Variants in TMEM132D observed in about 807,000 individuals in gnomAD.
TMEM132D encodes the protein transmembrane protein 132D, also known as mature OL transmembrane protein.
A neutral mutation model predicts 62.3 loss-of-function variants in TMEM132D; 21 were observed. The observed-to-expected ratio is 0.34, with a 90% CI of 0.24 to 0.49. The LOEUF (loss-of-function observed/expected upper bound fraction) is 0.49, where lower values mean the gene tolerates loss of function less well. Ranked by LOEUF, TMEM132D falls within the 20% of genes least tolerant of loss-of-function variation. The probability of loss-of-function intolerance (pLI) is 0.99; values close to 1 mark genes in which losing one functional copy is unlikely to be tolerated. For missense variants in TMEM132D, 1,346 were observed against 1,402.8 expected, an observed-to-expected ratio of 0.96 and a Z score of 0.65; for synonymous variants, 621 against 575.6, an observed-to-expected ratio of 1.08 and a Z score of -1.13.
chr12:129,095,040 G>A (rs1207411285), intron 5 of TMEM132D, among the ~76,000 whole-genome samples: 1 of 149,408 alleles, frequency 6.7e-6, no homozygotes, highest in African/African-American at 2.5e-5. Flanking sequence ...CGTGGGGTCG[G>A]GGGAGGGGGG....
At chr12:129,513,310 G>A (rs372775657) in intron 3 of TMEM132D, among the ~76,000 whole-genome samples, 5 of 152,224 alleles carry the variant, frequency 3.3e-5, no homozygotes, top group African/African-American at 1.2e-4. Context: ...TTTTGAGGGT[G>A]AGAGCTTACT....
chr12:129,746,307 C>T (rs1025834947), intron 1 of TMEM132D, among the ~76,000 whole-genome samples: 2 of 152,076 alleles, frequency 1.3e-5, no homozygotes, highest in African/African-American at 4.8e-5. Context: ...GGATGTTAAA[C>T]TAAAGAGTGA....
chr12:129,299,645 T>TTTA (rs68083891), intron 4 of TMEM132D, among the ~76,000 whole-genome samples: 1 of 151,280 alleles, frequency 6.6e-6, no homozygotes, highest in Admixed American at 6.6e-5. Flanking sequence ...TTTTTTTTTT[T>TTTA]AGCTCTTGGA....
intron 1 of TMEM132D, among the ~76,000 whole-genome samples, chr12:129,716,387 A>G (rs923990243): frequency 2.6e-5 from 4 of 152,208 alleles, no homozygotes; most frequent in Non-Finnish European, 4.4e-5. Context: ...TTCAGAAGTC[A>G]AGAGAACACG....
chr12:129,500,236 C>T (rs920089855), intron 3 of TMEM132D, among the ~76,000 whole-genome samples: 2 of 149,274 alleles, frequency 1.3e-5, no homozygotes, highest in African/African-American at 2.5e-5. Context: ...AGGCAATTCA[C>T]CTGACCTCAT....
In TMEM132D at chr12:129,105,648, C is replaced by CA. The variant is rs547651558; in HGVS notation, c.1444-20947dup. On this transcript the variant is annotated intron_variant, in intron 5 of 8. Coordinates refer to ENST00000422113, the MANE Select transcript of TMEM132D (RefSeq NM_133448.3). ...CCTCAAAGGAAGACATTTATGCAGC[C>CA]AAAAAACACATGAAAAAATTCTCAC... is the stretch of plus-strand genomic sequence containing the variant. 9.3e-5 allele frequency among the ~76,000 whole-genome samples: 14 copies of CA among 150,684 alleles called. No individual in the cohort carries two copies. In the South Asian group the frequency reaches 2.9e-3, roughly 32 times the overall value.
intron 3 of TMEM132D, among the ~76,000 whole-genome samples, chr12:129,435,232 G>T (rs544289129): frequency 5.3e-5 from 8 of 152,116 alleles, no homozygotes; most frequent in Admixed American, 2.0e-4. Flanking sequence ...TGGACACTTA[G>T]GTGGTTTCCA....
intron 4 of TMEM132D, among the ~76,000 whole-genome samples, chr12:129,326,310 C>T (rs919552459): frequency 1.3e-5 from 2 of 152,210 alleles, no homozygotes; most frequent in East Asian, 3.9e-4. Context: ...GGATTTTCAA[C>T]CCCCAGAATG....
intron 5 of TMEM132D, among the ~76,000 whole-genome samples, chr12:129,141,140 A>G (rs557353062): frequency 6.6e-6 from 1 of 152,374 alleles, no homozygotes; most frequent in East Asian, 1.9e-4. Context: ...CTGCGAACTC[A>G]ACATTGGCAT....
chr12:129,893,054 T>C (rs1332872404), intron 1 of TMEM132D, among the ~76,000 whole-genome samples: 2 of 152,098 alleles, frequency 1.3e-5, no homozygotes, highest in Non-Finnish European at 2.9e-5. Flanking sequence ...TTTTTGTGCT[T>C]TTAGTAGAGA....
At chr12:129,851,103 A>G (rs1357947496) in intron 1 of TMEM132D, among the ~76,000 whole-genome samples, 1 of 152,206 alleles carries the variant, frequency 6.6e-6, no homozygotes, top group Non-Finnish European at 1.5e-5. Context: ...TATAGCTTTC[A>G]TTCTGAATGC....
At chr12:129,313,396 A>G (rs971383040) in intron 4 of TMEM132D, among the ~76,000 whole-genome samples, 3 of 152,116 alleles carry the variant, frequency 2.0e-5, no homozygotes, top group Admixed American at 2.0e-4. Flanking sequence ...TAGCTCCCAC[A>G]TATCAGTGAG....
At chr12:129,713,407 T>TG (rs1868451611) in intron 1 of TMEM132D, among the ~76,000 whole-genome samples, 1 of 150,538 alleles carries the variant, frequency 6.6e-6, no homozygotes, top group African/African-American at 2.4e-5. Context: ...TTTTTGTTGT[T>TG]TTTTTTTTTA....
At chr12:129,329,384 G>A (rs11615834) in intron 4 of TMEM132D, among the ~76,000 whole-genome samples, 9 of 152,196 alleles carry the variant, frequency 5.9e-5, no homozygotes, top group East Asian at 3.9e-4. Flanking sequence ...CTGAATTTTC[G>A]AAAAGTCTGA....
chr12:129,486,470 A>T (rs11060376), intron 3 of TMEM132D, among the ~76,000 whole-genome samples: 1 of 152,066 alleles, frequency 6.6e-6, no homozygotes, highest in African/African-American at 2.4e-5. Context: ...CTGAAGCCCA[A>T]TGAAGAGGGT....
chr12:129,425,586 AACC>A (rs2135713319), intron 3 of TMEM132D, among the ~76,000 whole-genome samples: 1 of 152,330 alleles, frequency 6.6e-6, no homozygotes, highest in African/African-American at 2.4e-5. Context: ...GTGGCCACAC[AACC>A]CCCTAATACA....
chr12:129,530,355 AG>A (rs11317027), intron 3 of TMEM132D, among the ~76,000 whole-genome samples: 31,333 of 152,114 alleles, frequency 0.21, 3,533 homozygotes, highest in East Asian at 0.41. Context: ...CTGAGCAAAA[AG>A]CAACATACAG....
At chr12:129,791,316 T>C (rs1871395345) in intron 1 of TMEM132D, among the ~76,000 whole-genome samples, 1 of 152,176 alleles carries the variant, frequency 6.6e-6, no homozygotes, top group African/African-American at 2.4e-5. Flanking sequence ...AATAAAACTA[T>C]GGAAATATAC....
chr12:129,781,368 A>G (rs1397526084), intron 1 of TMEM132D, among the ~76,000 whole-genome samples: 1 of 152,232 alleles, frequency 6.6e-6, no homozygotes, highest in East Asian at 1.9e-4. Flanking sequence ...GGTATGAGAC[A>G]TGTTTCTCAG....
Sources: allele counts gnomAD v4.1 joint callset (sites outside exome capture counted in the v4.1 genomes callset), GRCh38; gene constraint gnomAD v4.1.1; transcripts MANE v1.5; gene names NCBI Gene and HGNC (gene_info 2026-07-23, HGNC 2026-07-21).